The following ZFC3H1 variants were observed in gnomAD, a reference collection of about 807,000 sequenced individuals.
The protein encoded by ZFC3H1 is zinc finger C3H1-type containing.
In ZFC3H1, 71 loss-of-function variants were observed where a neutral mutation model predicts 243.7. The ratio of observed to expected loss-of-function variants is 0.29; its 90% CI spans 0.24 to 0.36. ZFC3H1 has a LOEUF of 0.36. ZFC3H1 is among the 10% of genes least tolerant of loss of function. The pLI, the probability that ZFC3H1 is intolerant of heterozygous loss-of-function variation, is 1.00. For synonymous variants in ZFC3H1, 838 were observed against 813.0 expected (o/e 1.03, Z -0.52); for missense variants, 1,966 against 2,317.1 (o/e 0.85, Z 3.11).
rs547302455 is a variant in ZFC3H1 at position 71,612,449 on chromosome 12, T to C, written c.5628-562A>G. On this transcript the variant is annotated intron_variant, in intron 31 of 34. Transcript: ENST00000378743. ...TAGAAAATCATGTCAAAATATGACA[T>C]TTTCTATTTCACGTTTTATCAAAGG... Among the ~76,000 whole-genome samples the C allele has an allele frequency of 2.6e-5, 4 of 152,238 alleles. No homozygotes were observed. In the South Asian group the frequency reaches 8.3e-4, roughly 32 times the overall value.
intron 26 of ZFC3H1, 32 bp downstream of exon 26, chr12:71,619,894 C>A: frequency 6.4e-7 from 1 of 1,555,496 alleles, no homozygotes; most frequent in African/African-American, 1.4e-5. Flanking sequence ...AACATAAAAG[C>A]ATCATATTTA....
chr12:71,638,425 T>G lies in ZFC3H1; in HGVS notation c.1718A>C (p.Gln573Pro). Reference sequence around the variant, plus strand: ...AAATCAATTCTGACTTACAGAAACCTGAGGTGGTGGAGGCAAAGAAAGAGA... The same window carrying G: ...AAATCAATTCTGACTTACAGAAACCGGAGGTGGTGGAGGCAAAGAAAGAGA... Reference protein sequence around the residue: ...APSLSLPPPPQVSSLPPLSQP... With the variant: ...APSLSLPPPPPVSSLPPLSQP... Residue 573 changes from glutamine to proline, a missense_variant, in exon 7 of 35, where the codon CAG becomes CCG. By Grantham distance (76) the Gln-to-Pro change is moderately conservative. Coordinates refer to ENST00000378743, the MANE Select transcript of ZFC3H1 (RefSeq NM_144982.5). 6.2e-7 allele frequency: 1 copy of G among 1,611,666 alleles called. No homozygotes were observed. Among genetic ancestry groups the G allele is most frequent in the Non-Finnish European group, 8.5e-7 (1 of 1,179,192 alleles).
Position 71,614,827 on chromosome 12 carries a change from A to C in ZFC3H1, c.5360+7T>G. 1.2e-6 allele frequency: 2 copies of C among 1,611,576 alleles called. No individual in the cohort carries two copies. The highest frequency in any genetic ancestry group is 1.1e-5 in the South Asian group (1 of 90,694). ...ATCTCATTCTTATCAAGAAAACCTA[A>C]ACTTACTCCATCCATATCTTCTGTA... is the stretch of plus-strand genomic sequence containing the variant. On this transcript the variant is annotated splice_region_variant and intron_variant, in intron 29 of 34. Coordinates refer to ENST00000378743, the MANE Select transcript of ZFC3H1 (RefSeq NM_144982.5).
At chr12:71,615,067 T>C (rs1879861297) in intron 28 of ZFC3H1, 129 bp from the exon 29 acceptor site, 1 of 1,098,296 alleles carries the variant, frequency 9.1e-7, no homozygotes, top group Non-Finnish European at 1.3e-6. Context: ...TTCTCTAGTA[T>C]ATACTAAACC....
chr12:71,650,269 G>A (rs756126939), intron 2 of ZFC3H1, among the ~76,000 whole-genome samples: 7 of 151,898 alleles, frequency 4.6e-5, no homozygotes, highest in Admixed American at 2.6e-4. Flanking sequence ...GAGCGAGTCC[G>A]TCTCAAAAAA....
Position 71,614,925 on chromosome 12 carries a change from G to C in ZFC3H1, c.5269C>G (p.Leu1757Val). The C allele has an allele frequency of 6.2e-7, 1 of 1,613,568 alleles. No homozygotes were observed. The highest frequency in any genetic ancestry group is 8.5e-7 in the Non-Finnish European group (1 of 1,179,654). Reference sequence around the variant, plus strand: ...ACTGTTTCTTTAATACTTGATTGAAGAGGATGACAAAGGCTGTTTAAAAAA... The same window carrying C: ...ACTGTTTCTTTAATACTTGATTGAACAGGATGACAAAGGCTGTTTAAAAAA... Reference protein sequence around the residue: ...LWLIYCLCHPLQSSIKETVEA... With the variant: ...LWLIYCLCHPVQSSIKETVEA... Residue 1757 changes from leucine to valine, a missense_variant, in exon 29 of 35, where the codon CTT becomes GTT. Leu to Val is a conservative substitution (Grantham distance 32). Transcript: ENST00000378743.
In ZFC3H1 at chr12:71,630,904, G is replaced by T; in HGVS notation, c.3521C>A (p.Ser1174Ter). Residue 1174 changes from serine (S) to a stop codon, truncating the protein, a stop_gained, in exon 17 of 35, where the codon TCA becomes TAA. Coordinates refer to ENST00000378743, the MANE Select transcript of ZFC3H1 (RefSeq NM_144982.5). LOFTEE classifies it high-confidence loss of function. ...TKEKLPLSSV[S>*]YSNMIEPDQC... Reference sequence around the variant, plus strand: ...ATCCGGTTCAATCATATTACTGTATGATACTGAGCTCAGGGGAAGTTTTTC... The same window carrying T: ...ATCCGGTTCAATCATATTACTGTATTATACTGAGCTCAGGGGAAGTTTTTC... 1 of 1,613,104 alleles carries T rather than the reference G, an allele frequency of 6.2e-7. No individual in the cohort carries two copies. Among genetic ancestry groups the T allele is most frequent in the South Asian group, 1.1e-5 (1 of 91,006 alleles).
At chr12:71,623,943 C>A (rs1422245019) in intron 23 of ZFC3H1, among the ~76,000 whole-genome samples, 161 bp downstream of exon 23, 1 of 152,140 alleles carries the variant, frequency 6.6e-6, no homozygotes, top group Admixed American at 6.5e-5. Context: ...GAAATAAAGT[C>A]ATAAACTTAC....
At chr12:71,614,729 A>C (rs1879853251) in intron 29 of ZFC3H1, 29 bp from the exon 30 acceptor site, 4 of 1,596,748 alleles carry the variant, frequency 2.5e-6, no homozygotes, top group Non-Finnish European at 3.4e-6. Context: ...TATAATTTAG[A>C]ATAACTAAGA....
At chr12:71,629,136 T>G in intron 19 of ZFC3H1, 99 bp from the exon 20 acceptor site, 4 of 1,006,296 alleles carry the variant, frequency 4.0e-6, no homozygotes, top group Non-Finnish European at 5.6e-6. Flanking sequence ...CTACATTCAC[T>G]CCATCTTAGA....
chr12:71,611,974 A>C, intron 31 of ZFC3H1, 87 bp from the exon 32 acceptor site: 1 of 718,758 alleles, frequency 1.4e-6, no homozygotes, highest in Non-Finnish European at 2.3e-6. Context: ...ACGAAGTATA[A>C]ATTTTGATTA....
chr12:71,632,744 G>T lies in ZFC3H1; in HGVS notation c.2817+142C>A, dbSNP rs1036708106. On this transcript the variant is annotated intron_variant, in intron 14 of 34. Coordinates refer to ENST00000378743, the MANE Select transcript of ZFC3H1 (RefSeq NM_144982.5). Reference sequence around the variant, plus strand: ...TAATAAAGTAGACATCCAAAAATGTGGATGTCATTTAAAAACAAAGCTTTA... The same window carrying T: ...TAATAAAGTAGACATCCAAAAATGTTGATGTCATTTAAAAACAAAGCTTTA... 6 of 1,318,150 alleles carry T rather than the reference G, an allele frequency of 4.6e-6. No individual in the cohort carries two copies. In the African/African-American group the frequency reaches 7.6e-5, roughly 17 times the overall value. 81.7% of individuals were successfully genotyped at this position (1,318,150 alleles called of 1,614,324 possible). A position where few individuals can be genotyped will look rare whatever the true frequency, so the allele number is the denominator to read the frequency against.
chr12:71,631,730 C>A, intron 16 of ZFC3H1, 48 bp downstream of exon 16: 4 of 1,475,240 alleles, frequency 2.7e-6, no homozygotes, highest in Non-Finnish European at 3.7e-6. Context: ...ATATTAAAAA[C>A]CAAACAGAAA....
At chr12:71,612,768 A>G (rs1225481437) in intron 31 of ZFC3H1, among the ~76,000 whole-genome samples, 1 of 152,206 alleles carries the variant, frequency 6.6e-6, no homozygotes, top group Non-Finnish European at 1.5e-5. Flanking sequence ...TGAATTAAAA[A>G]GCATAATTCT....
At chr12:71,654,579 C>T (rs7964939) in intron 2 of ZFC3H1, among the ~76,000 whole-genome samples, 13,606 of 151,800 alleles carry the variant, frequency 0.09, 679 homozygotes, top group African/African-American at 0.13. Flanking sequence ...AGTAAGGTTC[C>T]TGATTAACTT....
chr12:71,623,029 TA>T (rs34100899), intron 24 of ZFC3H1, among the ~76,000 whole-genome samples: 74,026 of 144,776 alleles, frequency 0.51, 21,192 homozygotes, highest in Middle Eastern at 0.7. Flanking sequence ...AATGGACTGC[TA>T]AAAAAAAAAA....
chr12:71,643,660 A>G (rs777155083), intron 5 of ZFC3H1, among the ~76,000 whole-genome samples: 6 of 152,172 alleles, frequency 3.9e-5, no homozygotes, highest in Non-Finnish European at 7.4e-5. Context: ...TTTGACCACT[A>G]AATACAAAAT....
chr12:71,629,590 C>CACACACAT lies in ZFC3H1; in HGVS notation c.3826+18_3826+19insATGTGTGT. 1 of 1,485,488 alleles carries CACACACAT rather than the reference C, an allele frequency of 6.7e-7. No individual in the cohort carries two copies. The highest frequency in any genetic ancestry group is 9.4e-7 in the Non-Finnish European group (1 of 1,068,712). The allele number at this position is 1,485,488 out of a possible 1,614,324, so 92.0% of individuals were successfully genotyped here. A position where few individuals can be genotyped will look rare whatever the true frequency, so the allele number is the denominator to read the frequency against. On this transcript the variant is annotated intron_variant, in intron 19 of 34. Coordinates refer to ENST00000378743, the MANE Select transcript of ZFC3H1 (RefSeq NM_144982.5). ...ACACACACACACACACACACACACA[C>CACACACAT]ACTTATATATGTACTTACTATGACC...
intron 9 of ZFC3H1, 142 bp from the exon 10 acceptor site, chr12:71,635,722 G>T: frequency 1.6e-6 from 1 of 620,562 alleles, no homozygotes; most frequent in Non-Finnish European, 2.5e-6. Flanking sequence ...CCACTGAGTC[G>T]ACCAATACTG....
Sources: gnomAD v4.1 joint callset for allele counts (sites outside exome capture counted in the v4.1 genomes callset) on GRCh38, gnomAD v4.1.1 for gene constraint, MANE v1.5 for transcripts, NCBI Gene and HGNC (gene_info 2026-07-23, HGNC 2026-07-21) for gene names.